SERINC5: variants seen among roughly 807,000 people sequenced by gnomAD.
SERINC5 encodes chromosome 5 open reading frame 12.
A neutral mutation model predicts 63.1 loss-of-function variants in SERINC5; 41 were observed. The observed-to-expected ratio is 0.65, with a 90% CI of 0.51 to 0.84. The LOEUF (loss-of-function observed/expected upper bound fraction) is 0.84. SERINC5 is among the 40% of genes least tolerant of loss of function. The pLI is 0.00. For missense variants in SERINC5, 523 were observed against 573.0 expected, an observed-to-expected ratio of 0.91 and a Z score of 0.89; for synonymous variants, 222 against 215.2, an observed-to-expected ratio of 1.03 and a Z score of -0.28.
chr5:80,221,048 G>C (rs963469150), intron 1 of SERINC5, among the ~76,000 whole-genome samples: 1 of 152,146 alleles, frequency 6.6e-6, no homozygotes, highest in Non-Finnish European at 1.5e-5. Context: ...CTGCCTCACT[G>C]CAAGAGCAGA....
chr5:80,209,369 CACA>C lies in SERINC5; in HGVS notation c.28-6319_28-6317del, dbSNP rs1307067211. Reference sequence around the variant, plus strand: ...GAGGAGGACACACACACAGGGACAGCACAACAACACGGTGGCCATGTACAAGCC... The same window carrying C: ...GAGGAGGACACACACACAGGGACAGCACAACACGGTGGCCATGTACAAGCC... On this transcript the variant is annotated intron_variant, in intron 1 of 11. Transcript: ENST00000507668. Among the ~76,000 whole-genome samples the C allele has an allele frequency of 3.3e-5, 5 of 152,164 alleles. No homozygotes were observed. In the East Asian group the frequency reaches 5.8e-4, roughly 18 times the overall value.
chr5:80,215,282 CTT>C (rs1291816360), intron 1 of SERINC5, among the ~76,000 whole-genome samples: 3 of 152,154 alleles, frequency 2.0e-5, no homozygotes, highest in South Asian at 2.1e-4. Context: ...CTCTCTCTCT[CTT>C]GCTCCTGCTC....
Position 80,230,504 on chromosome 5 carries a change from C to A in SERINC5, c.27+25392G>T, listed in dbSNP as rs139024183. Among the ~76,000 whole-genome samples, 62 of 149,448 alleles carry A rather than the reference C, an allele frequency of 4.1e-4. 1 individual carries two copies. The East Asian group carries it at 0.012, about 29-fold the overall frequency. On this transcript the variant is annotated intron_variant, in intron 1 of 11. Transcript: ENST00000507668. Reference sequence around the variant, plus strand: ...AAATTTGTTTGCCAACTACTGATTTCTCTTTTCAAACGGGGCTTGAGGGAA... The same window carrying A: ...AAATTTGTTTGCCAACTACTGATTTATCTTTTCAAACGGGGCTTGAGGGAA...
At chr5:80,128,490 C>G (rs1290891442) in intron 11 of SERINC5, 1 of 152,026 alleles carries the variant, frequency 6.6e-6, no homozygotes, top group Non-Finnish European at 1.5e-5. Flanking sequence ...TAAAGAAGCC[C>G]AGAGAAAGCA....
chr5:80,156,232 C>T (rs751335001), intron 8 of SERINC5, among the ~76,000 whole-genome samples: 2 of 152,106 alleles, frequency 1.3e-5, no homozygotes, highest in Admixed American at 6.6e-5. Flanking sequence ...ATGACAGTTC[C>T]CACACGGACG....
At chr5:80,148,324 G>A (rs1328172456) in intron 9 of SERINC5, among the ~76,000 whole-genome samples, 3 of 150,754 alleles carry the variant, frequency 2.0e-5, no homozygotes, top group African/African-American at 7.3e-5. Flanking sequence ...CCAAGTAGCT[G>A]GGATTACAGG....
At chr5:80,120,152 G>GTCTCT (rs1435710446) in intron 11 of SERINC5, among the ~76,000 whole-genome samples, 2 of 152,182 alleles carry the variant, frequency 1.3e-5, no homozygotes, top group African/African-American at 4.8e-5. Flanking sequence ...TTGAAGCAGA[G>GTCTCT]ACTGCTACTA....
At chr5:80,239,886 A>G (rs1041729992) in intron 1 of SERINC5, among the ~76,000 whole-genome samples, 1 of 152,140 alleles carries the variant, frequency 6.6e-6, no homozygotes, top group Non-Finnish European at 1.5e-5. Flanking sequence ...TTGGGTCAGA[A>G]GAACAGAAGA....
At chr5:80,219,438 T>A (rs1025561374) in intron 1 of SERINC5, among the ~76,000 whole-genome samples, 8 of 152,186 alleles carry the variant, frequency 5.3e-5, no homozygotes, top group African/African-American at 1.4e-4. Flanking sequence ...ATTCATCTTC[T>A]TCTTCCACTT....
At chr5:80,136,670 A>G (rs889006693), downstream of SERINC5, among the ~76,000 whole-genome samples, 1 of 152,252 alleles carries the variant, frequency 6.6e-6, no homozygotes, top group Non-Finnish European at 1.5e-5. Flanking sequence ...GACAACCTAC[A>G]GCATCAGAGA....
intron 1 of SERINC5, among the ~76,000 whole-genome samples, chr5:80,236,719 G>T (rs1211201821): frequency 1.3e-5 from 2 of 151,902 alleles, no homozygotes; most frequent in East Asian, 1.9e-4. Context: ...AGAGGCGGGG[G>T]TTTCACCATG....
At chr5:80,167,144 G>A (rs1481696836) in intron 6 of SERINC5, 1 of 152,208 alleles carries the variant, frequency 6.6e-6, no homozygotes, top group Non-Finnish European at 1.5e-5. Context: ...GGGGAAAATT[G>A]CCACAGGGGT....
chr5:80,184,802 C>G (rs545228234), intron 2 of SERINC5, among the ~76,000 whole-genome samples: 1 of 152,270 alleles, frequency 6.6e-6, no homozygotes, highest in Admixed American at 6.5e-5. Context: ...AAGGAATGTG[C>G]CTGCTAAGGG....
intron 1 of SERINC5, among the ~76,000 whole-genome samples, chr5:80,219,413 C>CT (rs1490076945): frequency 6.6e-6 from 1 of 152,216 alleles, no homozygotes; most frequent in Non-Finnish European, 1.5e-5. Context: ...GCTCTTCCCT[C>CT]TTTTCACCCT....
At position 80,140,318 on chromosome 5, in the gene SERINC5, A is replaced by C; in HGVS notation, c.*3345T>G. On this transcript the variant is annotated 3_prime_UTR_variant, in exon 12 of 12. Transcript: ENST00000507668. The stretch of plus-strand genomic sequence containing the variant: ...TGAGCCCGTCTCCAAAAAAAAAAAA[A>C]AAAAAAAAAAAAAAGGCTTAGGGTG... 2.2e-6 allele frequency: 2 copies of C among 907,940 alleles called. No homozygotes were observed. The allele number at this position is 907,940 out of a possible 1,614,324, so 56.2% of individuals were successfully genotyped here.
chr5:80,167,688 G>A (rs1415498346), intron 6 of SERINC5, among the ~76,000 whole-genome samples: 1 of 152,140 alleles, frequency 6.6e-6, no homozygotes, highest in Non-Finnish European at 1.5e-5. Context: ...CCCACCAACA[G>A]TGTATAAGTG....
chr5:80,216,637 A>G (rs1750677578), intron 1 of SERINC5, among the ~76,000 whole-genome samples: 1 of 152,202 alleles, frequency 6.6e-6, no homozygotes, highest in South Asian at 2.1e-4. Flanking sequence ...AAGAAAATGA[A>G]ACCTTGAAAC....
intron 11 of SERINC5, chr5:80,113,778 CACA>C (rs1294908588): frequency 6.4e-6 from 1 of 155,206 alleles, no homozygotes; most frequent in East Asian, 1.9e-4. Context: ...GGCCCCCTCC[CACA>C]ACATGTGGGA....
In SERINC5 at chr5:80,166,443, T is replaced by C; in HGVS notation, c.799A>G (p.Ile267Val). ...GTGAGGTAGGTGACATAGCAGCTTA[T>C]GACCCCTGATTGTAAGAGCCCCGAG... ...PHSGLLQSGV[I>V]SCYVTYLTFS... is the part of the protein sequence containing the mutation. Residue 267 changes from isoleucine (I) to valine (V), a missense_variant, in exon 7 of 12, where the codon ATA (isoleucine) becomes GTA (valine). By Grantham distance (29) the Ile-to-Val change is conservative (BLOSUM62 3). Coordinates refer to ENST00000507668, the MANE Select transcript of SERINC5 (RefSeq NM_001174072.3). 1 of 1,596,258 alleles carries C rather than the reference T, an allele frequency of 6.3e-7. No homozygotes were observed. The highest frequency in any genetic ancestry group is 8.5e-7 in the Non-Finnish European group (1 of 1,171,284).
Sources: allele counts gnomAD v4.1 joint callset (sites outside exome capture counted in the v4.1 genomes callset), GRCh38; gene constraint gnomAD v4.1.1; transcripts MANE v1.5; gene names NCBI Gene and HGNC (gene_info 2026-07-23, HGNC 2026-07-21).